Variants in CCDC73 observed in about 807,000 individuals in gnomAD.
CCDC73 encodes the protein coiled-coil domain containing 73.
Under a neutral mutation model 116.5 loss-of-function variants are expected in CCDC73, and 95 were observed. The observed-to-expected ratio is 0.82, with a 90% CI of 0.69 to 0.97. CCDC73 has a LOEUF of 0.97. CCDC73 is among the 50% of genes least tolerant of loss of function. The pLI, the probability that CCDC73 is intolerant of heterozygous loss-of-function variation, is 0.00. For synonymous variants in CCDC73, 398 were observed against 401.3 expected (o/e 0.99, Z 0.10); for missense variants, 1,066 against 1,206.8 (o/e 0.88, Z 1.73).
Position 32,614,399 on chromosome 11 carries a change from A to G in CCDC73, c.1919T>C (p.Val640Ala). The G allele has an allele frequency of 6.2e-7, 1 of 1,613,330 alleles. No individual in the cohort carries two copies. The highest frequency in any genetic ancestry group is 8.5e-7 in the Non-Finnish European group (1 of 1,179,566). ...CCGTAAACTATATTTCTGACATGGAACAGGATTTTTTTTTATATCTAGAGA... is the reference window on the plus strand; with the variant it reads ...CCGTAAACTATATTTCTGACATGGAGCAGGATTTTTTTTTATATCTAGAGA... ...DSSLDIKKNP[V>A]PCQKYSLRNS... is the part of the protein sequence containing the mutation. Residue 640 changes from valine to alanine, a missense_variant, in exon 16 of 18, where the codon GTT (valine) becomes GCT (alanine). Transcript: ENST00000335185.
chr11:32,813,398 A>G, the CCDC73 span, among the ~76,000 whole-genome samples: 2 of 152,084 alleles, frequency 1.3e-5, no homozygotes, highest in African/African-American at 4.8e-5. Flanking sequence ...CTGGGACAAC[A>G]GGGGTGCATC....
At chr11:32,634,769 C>T (rs547981891) in intron 14 of CCDC73, among the ~76,000 whole-genome samples, 21 of 152,222 alleles carry the variant, frequency 1.4e-4, no homozygotes, top group Admixed American at 2.6e-4. Flanking sequence ...CAAAGTTCAA[C>T]GAAAACAACT....
At chr11:32,770,111 T>C (rs1397905804) in intron 1 of CCDC73, among the ~76,000 whole-genome samples, 4 of 152,210 alleles carry the variant, frequency 2.6e-5, no homozygotes, top group African/African-American at 9.6e-5. Flanking sequence ...GGCTGTTTTA[T>C]ACAAGTTTAT....
intron 14 of CCDC73, among the ~76,000 whole-genome samples, chr11:32,625,957 A>G (rs2133232877): frequency 7.3e-6 from 1 of 137,470 alleles, no homozygotes; most frequent in South Asian, 2.3e-4. Flanking sequence ...CCTATTCAAC[A>G]TAGTGTTGGA....
chr11:32,730,807 A>T (rs562930204), intron 2 of CCDC73, among the ~76,000 whole-genome samples: 4 of 152,186 alleles, frequency 2.6e-5, no homozygotes, highest in Non-Finnish European at 5.9e-5. Context: ...TCCAAGAAGG[A>T]CAAATAGGAA....
At chr11:32,661,248 TA>T (rs1438016021) in intron 9 of CCDC73, among the ~76,000 whole-genome samples, 1 of 152,188 alleles carries the variant, frequency 6.6e-6, no homozygotes, top group Non-Finnish European at 1.5e-5. Context: ...TGTCCCCTTT[TA>T]TTTTTTTAAG....
At chr11:32,817,077 G>A in the CCDC73 span, among the ~76,000 whole-genome samples, 1 of 152,180 alleles carries the variant, frequency 6.6e-6, no homozygotes, top group Non-Finnish European at 1.5e-5. Flanking sequence ...GAGCCACCAC[G>A]CTCAGCCCTA....
At chr11:32,778,167 C>T (rs1045858341) in intron 1 of CCDC73, among the ~76,000 whole-genome samples, 5 of 152,158 alleles carry the variant, frequency 3.3e-5, no homozygotes, top group Admixed American at 2.0e-4. Context: ...CCTGGACCAA[C>T]AATATCAGCA....
chr11:32,616,886 T>C (rs1044784838), intron 14 of CCDC73, among the ~76,000 whole-genome samples: 7 of 152,162 alleles, frequency 4.6e-5, no homozygotes, highest in East Asian at 1.9e-4. Flanking sequence ...CAGGTTACTA[T>C]GGGCACATGC....
chr11:32,730,561 T>A lies in CCDC73; in HGVS notation c.136-12414A>T, dbSNP rs1050406023. ...CATCTTAGTGTTGTTGCTTTGAATA[T>A]AATTAATCTTTTCCACTTGTGGCTG... On this transcript the variant is annotated intron_variant, in intron 2 of 17. Coordinates refer to ENST00000335185, the MANE Select transcript of CCDC73 (RefSeq NM_001008391.4). 2.0e-5 allele frequency among the ~76,000 whole-genome samples: 3 copies of A among 152,210 alleles called. No homozygotes were observed. In the South Asian group the frequency reaches 6.2e-4, roughly 32 times the overall value.
rs543165536 is a variant in CCDC73, at chr11:32,688,483, CT to C, written c.391-4910del. On this transcript the variant is annotated intron_variant, in intron 6 of 17. Coordinates refer to ENST00000335185, the MANE Select transcript of CCDC73 (RefSeq NM_001008391.4). ...CAAACATAGGATTCTAAACTAGATC[CT>C]TTTGTTATAAAAATACTTTAATGGG... 1.9e-3 allele frequency among the ~76,000 whole-genome samples: 285 copies of C among 152,260 alleles called. 1 individual carries two copies. The highest frequency in any genetic ancestry group is 6.8e-3 in the African/African-American group (281 of 41,560).
At chr11:32,695,591 G>A (rs1447852768) in intron 6 of CCDC73, among the ~76,000 whole-genome samples, 1 of 152,082 alleles carries the variant, frequency 6.6e-6, no homozygotes, top group Non-Finnish European at 1.5e-5. Context: ...AAGCAGAATT[G>A]ATTGCCTCTT....
intron 1 of CCDC73, among the ~76,000 whole-genome samples, chr11:32,762,804 G>A (rs961772201): frequency 1.3e-5 from 2 of 152,234 alleles, no homozygotes; most frequent in Non-Finnish European, 1.5e-5. Flanking sequence ...GTGAGGCATC[G>A]CCTTACCCAG....
intron 13 of CCDC73, among the ~76,000 whole-genome samples, chr11:32,638,667 C>T (rs1035764124): frequency 9.2e-5 from 14 of 151,716 alleles, no homozygotes; most frequent in African/African-American, 3.1e-4. Context: ...TTAGTAGAGA[C>T]GGGGTTTCAC....
At chr11:32,695,996 T>C (rs577067816) in intron 6 of CCDC73, among the ~76,000 whole-genome samples, 2 of 152,230 alleles carry the variant, frequency 1.3e-5, no homozygotes, top group South Asian at 4.1e-4. Context: ...GAAAAAATGT[T>C]TAGCTACTAG....
chr11:32,603,263 A>G (rs1855300806), intron 17 of CCDC73: 2 of 374,334 alleles, frequency 5.3e-6, no homozygotes, highest in African/African-American at 4.2e-5. Flanking sequence ...TTACTACTTC[A>G]TGTTTCCTCC....
chr11:32,755,881 G>C (rs183677383), intron 2 of CCDC73, among the ~76,000 whole-genome samples: 1 of 58,418 alleles, frequency 1.7e-5, no homozygotes, highest in African/African-American at 7.2e-5. Context: ...ATATATATCT[G>C]TGTATATATC....
intron 6 of CCDC73, among the ~76,000 whole-genome samples, chr11:32,692,266 C>T (rs1856267493): frequency 6.6e-6 from 1 of 151,838 alleles, no homozygotes; most frequent in African/African-American, 2.4e-5. Flanking sequence ...CATTTTTCAC[C>T]TTCTCAACTT....
intron 3 of CCDC73, among the ~76,000 whole-genome samples, chr11:32,712,580 T>A (rs201590197): frequency 1.1e-4 from 16 of 151,964 alleles, no homozygotes; most frequent in African/African-American, 3.1e-4. Flanking sequence ...AAATAAAAAA[T>A]AAGAGGCATG....
Sources: gnomAD v4.1 joint callset for allele counts (sites outside exome capture counted in the v4.1 genomes callset) on GRCh38, gnomAD v4.1.1 for gene constraint, MANE v1.5 for transcripts, NCBI Gene and HGNC (gene_info 2026-07-23, HGNC 2026-07-21) for gene names.